The following IQCM variants were observed in gnomAD, a reference collection of about 807,000 sequenced individuals.
IQCM encodes the protein IQ motif containing M.
In IQCM, 45 loss-of-function variants were observed where a neutral mutation model predicts 57.6. The ratio of observed to expected loss-of-function variants is 0.78; its 90% CI spans 0.62 to 1.00. The LOEUF is 1.00. Among genes scored for constraint, IQCM ranks in the 50% least tolerant of loss-of-function variants. The pLI is 0.00. For missense variants in IQCM, 468 were observed against 511.6 expected, an observed-to-expected ratio of 0.91 and a Z score of 0.82; for synonymous variants, 148 against 158.9, an observed-to-expected ratio of 0.93 and a Z score of 0.51.
intron 13 of IQCM, among the ~76,000 whole-genome samples, 170 bp from the exon 14 acceptor site, chr4:149,352,236 T>C (rs1728631398): frequency 6.6e-6 from 1 of 152,186 alleles, no homozygotes; most frequent in Admixed American, 6.6e-5. Flanking sequence ...TTACCTTATA[T>C]ATCATGCCAA....
chr4:149,353,593 T>C lies in IQCM; in HGVS notation c.1391-1527A>G, dbSNP rs544347173. On this transcript the variant is annotated intron_variant, in intron 13 of 13. Coordinates refer to ENST00000636793, the MANE Select transcript of IQCM (RefSeq NM_001363507.2). ...TGTAGCATATATATACAATGGAATA[T>C]TATTCAGCCTTAAGAAGAAGGAAAT... Among the ~76,000 whole-genome samples, 3 of 152,292 alleles carry C rather than the reference T, an allele frequency of 2.0e-5. No homozygotes were observed. In the South Asian group the frequency reaches 6.2e-4, roughly 32 times the overall value.
chr4:149,390,458 CA>C (rs770820871), intron 13 of IQCM, among the ~76,000 whole-genome samples: 1 of 151,234 alleles, frequency 6.6e-6, no homozygotes, highest in Non-Finnish European at 1.5e-5. Context: ...ACATCAAGTG[CA>C]ATGTTGAATG....
chr4:149,726,066 CCT>C (rs1234877438), intron 5 of IQCM, among the ~76,000 whole-genome samples: 3 of 101,342 alleles, frequency 3.0e-5, no homozygotes, highest in Non-Finnish European at 5.8e-5. Context: ...ATTTCTCTTC[CCT>C]CTAAAAGAAA....
intron 7 of IQCM, among the ~76,000 whole-genome samples, chr4:149,667,110 CT>C (rs1760800066): frequency 6.6e-6 from 1 of 152,178 alleles, no homozygotes; most frequent in African/African-American, 2.4e-5. Flanking sequence ...AAGTGAGTCC[CT>C]GACCCCCATG....
In IQCM at chr4:149,804,984, T is replaced by G. The variant is rs865964950; in HGVS notation, c.-49+10327A>C. 2.6e-5 allele frequency among the ~76,000 whole-genome samples: 4 copies of G among 152,136 alleles called. No individual in the cohort carries two copies. The South Asian group carries it at 8.3e-4, about 32-fold the overall frequency. On this transcript the variant is annotated intron_variant, in intron 2 of 13. Transcript: ENST00000636793. ...ACATATAACTGCCTCTAATCTTGAA[T>G]GATGATGGGAGAAGTATTCACATTG...
chr4:149,392,488 G>C (rs1192145711), intron 13 of IQCM, among the ~76,000 whole-genome samples: 1 of 151,954 alleles, frequency 6.6e-6, no homozygotes, highest in Non-Finnish European at 1.5e-5. Context: ...ACGGGGAAAA[G>C]GAAATGACAT....
intron 12 of IQCM, among the ~76,000 whole-genome samples, chr4:149,537,532 G>C (rs1747421512): frequency 6.6e-6 from 1 of 150,966 alleles, no homozygotes; most frequent in South Asian, 2.1e-4. Context: ...GGAGAGAGAA[G>C]GAAAAGTGAA....
intron 7 of IQCM, among the ~76,000 whole-genome samples, chr4:149,645,679 G>T (rs1758569437): frequency 6.6e-6 from 1 of 151,952 alleles, no homozygotes; most frequent in South Asian, 2.1e-4. Context: ...TGCCTTTTTA[G>T]TATATCAAAT....
intron 7 of IQCM, among the ~76,000 whole-genome samples, chr4:149,621,522 A>G (rs116391760): frequency 0.021 from 3,163 of 152,252 alleles, 63 homozygotes; most frequent in African/African-American, 0.049. Context: ...TCTCTTTACT[A>G]TCTCCTCATG....
intron 9 of IQCM, among the ~76,000 whole-genome samples, chr4:149,573,082 A>G (rs1191455303): frequency 6.6e-6 from 1 of 151,892 alleles, no homozygotes; most frequent in Non-Finnish European, 1.5e-5. Flanking sequence ...ATTGTGTTAG[A>G]GCCAATCAAT....
intron 2 of IQCM, among the ~76,000 whole-genome samples, chr4:149,779,963 C>T (rs1217546484): frequency 1.3e-5 from 2 of 152,076 alleles, no homozygotes; most frequent in Non-Finnish European, 2.9e-5. Flanking sequence ...AATCTAATGG[C>T]TGTCACTAGT....
At position 149,352,073 on chromosome 4, in the gene IQCM, T is replaced by C. The variant is rs1728621889; in HGVS notation, c.1391-7A>G. ...AGTGCTGGATGTCCATTTACTATAA[T>C]ACAAAACATACAGTCACATTAATAT... is the stretch of plus-strand genomic sequence containing the variant. On this transcript the variant is annotated splice_region_variant and splice_polypyrimidine_tract_variant and intron_variant, in intron 13 of 13. Coordinates refer to ENST00000636793, the MANE Select transcript of IQCM (RefSeq NM_001363507.2). 7.5e-6 allele frequency: 3 copies of C among 398,972 alleles called. No homozygotes were observed. The highest frequency in any genetic ancestry group is 8.8e-6 in the Non-Finnish European group (2 of 226,008). 24.7% of individuals were successfully genotyped at this position (398,972 alleles called of 1,614,324 possible).
chr4:149,465,941 G>A (rs1738815852), intron 12 of IQCM, among the ~76,000 whole-genome samples: 1 of 151,846 alleles, frequency 6.6e-6, no homozygotes, highest in Non-Finnish European at 1.5e-5. Context: ...GAGGTGGCAG[G>A]GTGTCAACCT....
chr4:149,639,367 A>G (rs1757990588), intron 7 of IQCM, among the ~76,000 whole-genome samples: 1 of 151,014 alleles, frequency 6.6e-6, no homozygotes, highest in Non-Finnish European at 1.5e-5. Flanking sequence ...TCGAGGCTGC[A>G]GTGAGCTATG....
intron 10 of IQCM, among the ~76,000 whole-genome samples, chr4:149,555,047 T>C (rs1309060820): frequency 6.6e-6 from 1 of 152,168 alleles, no homozygotes; most frequent in African/African-American, 2.4e-5. Flanking sequence ...TTTCTGTTTA[T>C]GTGAAATAAT....
At chr4:149,650,362 C>A (rs1175669408) in intron 7 of IQCM, among the ~76,000 whole-genome samples, 6 of 151,062 alleles carry the variant, frequency 4.0e-5, no homozygotes, top group Non-Finnish European at 8.8e-5. Flanking sequence ...GCTTTGGAGG[C>A]AACATGGCCC....
At chr4:149,669,419 T>A (rs1238201588) in intron 7 of IQCM, among the ~76,000 whole-genome samples, 2 of 152,214 alleles carry the variant, frequency 1.3e-5, no homozygotes, top group African/African-American at 2.4e-5. Context: ...TCTCCCGTTC[T>A]GTAGGTTGCC....
intron 10 of IQCM, among the ~76,000 whole-genome samples, chr4:149,559,865 C>A (rs1361729340): frequency 6.6e-6 from 1 of 152,158 alleles, no homozygotes; most frequent in Non-Finnish European, 1.5e-5. Flanking sequence ...AGCATTACTG[C>A]CTGAGCTCCT....
At chr4:149,528,662 C>G (rs1397018480) in intron 12 of IQCM, among the ~76,000 whole-genome samples, 1 of 152,042 alleles carries the variant, frequency 6.6e-6, no homozygotes, top group Non-Finnish European at 1.5e-5. Context: ...AATGAGGATT[C>G]TGGGTACAGA....
Sources: gnomAD v4.1 joint callset for allele counts (sites outside exome capture counted in the v4.1 genomes callset) on GRCh38, gnomAD v4.1.1 for gene constraint, MANE v1.5 for transcripts, NCBI Gene and HGNC (gene_info 2026-07-23, HGNC 2026-07-21) for gene names.